The following SHISA9 variants were observed in gnomAD, a reference collection of about 807,000 sequenced individuals.
SHISA9 encodes shisa family member 9.
A neutral mutation model predicts 38.0 loss-of-function variants in SHISA9; 13 were observed. The observed-to-expected ratio is 0.34, with a 90% CI of 0.22 to 0.54. SHISA9 has a LOEUF of 0.54. SHISA9 is among the 20% of genes least tolerant of loss of function. The pLI is 0.91. For missense variants in SHISA9, 538 were observed against 575.8 expected (o/e 0.93, Z 0.67); for synonymous variants, 275 against 242.0 (o/e 1.14, Z -1.27).
At chr16:13,336,722 A>C in the SHISA9 span, among the ~76,000 whole-genome samples, 4 of 152,114 alleles carry the variant, frequency 2.6e-5, no homozygotes, top group Non-Finnish European at 4.4e-5. Context: ...TGGCATATTC[A>C]ATTTGTGGGT....
chr16:13,435,661 C>G, the SHISA9 span, among the ~76,000 whole-genome samples: 2 of 152,300 alleles, frequency 1.3e-5, no homozygotes, highest in Admixed American at 1.3e-4. Flanking sequence ...TGTTATCAAG[C>G]CAGGTTCATT....
the SHISA9 span, among the ~76,000 whole-genome samples, chr16:13,520,477 C>T: frequency 9.2e-5 from 14 of 151,546 alleles, no homozygotes; most frequent in Non-Finnish European, 1.3e-4. Context: ...GTGGCAGGCA[C>T]CTGTAATCCC....
the SHISA9 span, among the ~76,000 whole-genome samples, chr16:13,264,803 T>A: frequency 8.9e-4 from 136 of 152,116 alleles, no homozygotes; most frequent in Non-Finnish European, 1.5e-3. Flanking sequence ...TATAAGAGAA[T>A]TAAATCTTTG....
the SHISA9 span, among the ~76,000 whole-genome samples, chr16:13,381,669 A>T: frequency 1.9e-3 from 290 of 152,102 alleles, 3 homozygotes; most frequent in Admixed American, 2.7e-3. Context: ...CATTTACTGT[A>T]AAAAAACCTA....
intron 2 of SHISA9, among the ~76,000 whole-genome samples, chr16:12,948,956 C>T (rs939872403): frequency 6.6e-6 from 1 of 152,132 alleles, no homozygotes; most frequent in African/African-American, 2.4e-5. Context: ...CAAATAACCT[C>T]ATAATATTTC....
At chr16:13,316,248 C>T in the SHISA9 span, among the ~76,000 whole-genome samples, 3 of 152,118 alleles carry the variant, frequency 2.0e-5, 1 homozygote, top group African/African-American at 4.8e-5. Context: ...AGAGAAGAAA[C>T]AACTATTGCA....
the SHISA9 span, among the ~76,000 whole-genome samples, chr16:13,413,628 T>G: frequency 6.6e-6 from 1 of 151,736 alleles, no homozygotes; most frequent in South Asian, 2.1e-4. Flanking sequence ...TGGTGGTGGG[T>G]GCCTGTAATC....
At chr16:13,157,785 G>A (rs530613824) in intron 2 of SHISA9, among the ~76,000 whole-genome samples, 8 of 152,086 alleles carry the variant, frequency 5.3e-5, no homozygotes, top group Non-Finnish European at 7.4e-5. Context: ...CCCCCAATCC[G>A]GAGGCATTCA....
chr16:13,472,644 G>A, the SHISA9 span, among the ~76,000 whole-genome samples: 12 of 151,744 alleles, frequency 7.9e-5, no homozygotes, highest in Admixed American at 3.9e-4. Flanking sequence ...CGCCCACCTC[G>A]GCCTCCCAAA....
intron 2 of SHISA9, among the ~76,000 whole-genome samples, chr16:12,977,578 C>T (rs561986537): frequency 3.3e-5 from 5 of 152,170 alleles, no homozygotes; most frequent in South Asian, 4.2e-4. Context: ...AATGCCCATC[C>T]GTGATAGACT....
the SHISA9 span, among the ~76,000 whole-genome samples, chr16:13,259,618 G>T: frequency 2.6e-5 from 4 of 152,216 alleles, no homozygotes; most frequent in Non-Finnish European, 5.9e-5. Context: ...TCTAGGCCAA[G>T]GTTCCCAAAC....
chr16:13,557,637 G>A, the SHISA9 span, among the ~76,000 whole-genome samples: 4 of 152,262 alleles, frequency 2.6e-5, no homozygotes, highest in Admixed American at 1.3e-4. Flanking sequence ...CAGGGCATCC[G>A]AGGAGAGAAC....
chr16:13,541,134 G>A, the SHISA9 span, among the ~76,000 whole-genome samples: 1 of 152,162 alleles, frequency 6.6e-6, no homozygotes, highest in Non-Finnish European at 1.5e-5. Context: ...CCTCCTGGCT[G>A]GAGCAGAAGC....
the SHISA9 span, among the ~76,000 whole-genome samples, chr16:13,503,954 A>C: frequency 6.6e-6 from 1 of 152,182 alleles, no homozygotes; most frequent in Non-Finnish European, 1.5e-5. Flanking sequence ...CACAATATAA[A>C]TTATCAAAAA....
chr16:13,309,784 C>T, the SHISA9 span, among the ~76,000 whole-genome samples: 2 of 152,164 alleles, frequency 1.3e-5, no homozygotes, highest in Admixed American at 6.5e-5. Flanking sequence ...CATGACCACA[C>T]TCTTGGGAAC....
the SHISA9 span, among the ~76,000 whole-genome samples, chr16:13,397,181 G>A: frequency 3.9e-5 from 6 of 152,068 alleles, no homozygotes; most frequent in African/African-American, 9.7e-5. Flanking sequence ...TGTGTTAATC[G>A]ACTGTCTACG....
intron 2 of SHISA9, among the ~76,000 whole-genome samples, chr16:12,970,675 A>G (rs1295488144): frequency 6.7e-6 from 1 of 148,234 alleles, no homozygotes. Flanking sequence ...CACACCGGCT[A>G]TTTTTGTTGT....
Position 13,238,952 on chromosome 16 carries a change from A to G in SHISA9, c.*3543A>G, listed in dbSNP as rs955628521. On this transcript the variant is annotated 3_prime_UTR_variant, in exon 5 of 5. Coordinates refer to ENST00000558583, the MANE Select transcript of SHISA9 (RefSeq NM_001145204.3). ...TGCACCCATTAACTCGTCATTTAGC[A>G]TTAGCTATATCTCCTAATGCTATCC... The G allele has an allele frequency of 6.7e-6, 1 of 148,968 alleles. No individual in the cohort carries two copies. The highest frequency in any genetic ancestry group is 2.5e-5 in the African/African-American group (1 of 40,530). 9.2% of individuals were successfully genotyped at this position (148,968 alleles called of 1,614,324 possible).
chr16:13,333,845 T>A, the SHISA9 span, among the ~76,000 whole-genome samples: 1 of 152,200 alleles, frequency 6.6e-6, no homozygotes, highest in African/African-American at 2.4e-5. Context: ...ATATAATTTC[T>A]GCTTTATGCT....
Sources: allele counts gnomAD v4.1 joint callset (sites outside exome capture counted in the v4.1 genomes callset), GRCh38; gene constraint gnomAD v4.1.1; transcripts MANE v1.5; gene names NCBI Gene and HGNC (gene_info 2026-07-23, HGNC 2026-07-21).